Variants in CDK5RAP2 observed in about 807,000 individuals in gnomAD.
CDK5RAP2 encodes the protein CDK5 regulatory subunit-associated protein 2.
CDK5RAP2 carries 147 observed loss-of-function variants against 232.9 expected under a neutral mutation model. The ratio of observed to expected loss-of-function variants is 0.63; its 90% CI spans 0.55 to 0.72. The LOEUF is 0.72. CDK5RAP2 is among the 30% of genes least tolerant of loss of function. The pLI, the probability that CDK5RAP2 is intolerant of heterozygous loss-of-function variation, is 0.00. For missense variants in CDK5RAP2, 2,195 were observed against 2,231.5 expected, an observed-to-expected ratio of 0.98 and a Z score of 0.33; for synonymous variants, 833 against 833.7, an observed-to-expected ratio of 1.00 and a Z score of 0.01.
intron 3 of CDK5RAP2, among the ~76,000 whole-genome samples, chr9:120,567,886 A>C (rs960149790): frequency 4.6e-5 from 7 of 152,216 alleles, no homozygotes; most frequent in Admixed American, 3.3e-4. Flanking sequence ...AAGATTCCTA[A>C]CCTGCAAAAT....
At chr9:120,477,238 A>C in intron 15 of CDK5RAP2, 112 bp downstream of exon 15, 1 of 851,944 alleles carries the variant, frequency 1.2e-6, no homozygotes, top group Non-Finnish European at 2.0e-6. Flanking sequence ...GCAAACTGGC[A>C]GGGCTTTGCT....
chr9:120,482,443 G>A (rs2038372928), intron 14 of CDK5RAP2, among the ~76,000 whole-genome samples: 1 of 152,156 alleles, frequency 6.6e-6, no homozygotes, highest in Non-Finnish European at 1.5e-5. Context: ...CAGTGGAACT[G>A]GGAAATCCCT....
chr9:120,408,402 G>A lies in CDK5RAP2; in HGVS notation c.4671C>T (p.Leu1557=), dbSNP rs2033623063. 2 of 1,614,144 alleles carry A rather than the reference G, an allele frequency of 1.2e-6. No homozygotes were observed. The highest frequency in any genetic ancestry group is 1.7e-6 in the Non-Finnish European group (2 of 1,180,030). The change falls in exon 31 of 38, where the codon CTC becomes CTT. Residue 1557 remains leucine (L), a synonymous_variant. Coordinates refer to ENST00000349780, the MANE Select transcript of CDK5RAP2 (RefSeq NM_018249.6). ...TCTCATACGCCTTCAGCTCCACTCGGAGAGACTGCAATAGCTTGTCATTCT... is the reference window on the plus strand; with the variant it reads ...TCTCATACGCCTTCAGCTCCACTCGAAGAGACTGCAATAGCTTGTCATTCT... ...LSQNDKLLQS[L]RVELKAYEKL...
chr9:120,418,094 TA>T (rs757972854), intron 27 of CDK5RAP2, among the ~76,000 whole-genome samples: 9 of 152,086 alleles, frequency 5.9e-5, no homozygotes, highest in Non-Finnish European at 1.3e-4. Context: ...TACCGAATCA[TA>T]AATATGACAA....
chr9:120,554,306 ACT>A (rs1487328932), intron 3 of CDK5RAP2, among the ~76,000 whole-genome samples: 2 of 152,148 alleles, frequency 1.3e-5, no homozygotes, highest in African/African-American at 4.8e-5. Flanking sequence ...TTTTTTTGAG[ACT>A]CTGAATTGTG....
intron 23 of CDK5RAP2, 84 bp from the exon 24 acceptor site, chr9:120,440,056 AGACCACTGCAGT>A: frequency 8.5e-7 from 1 of 1,178,740 alleles, no homozygotes; most frequent in Non-Finnish European, 1.2e-6. Flanking sequence ...AGCCAAGCCA[AGACCACTGCAGT>A]GACCTAACAA....
rs2033827405 is a variant in CDK5RAP2, at chr9:120,411,260, AT to A, written c.4414+97del. ...TGTAAAGCCATCACAGAGCCACAGGATTCATACTTAGGTTGGTCAGACTCCA... is the reference window on the plus strand; with the variant it reads ...TGTAAAGCCATCACAGAGCCACAGGATCATACTTAGGTTGGTCAGACTCCA... On this transcript the variant is annotated intron_variant, in intron 29 of 37. Transcript: ENST00000349780. 5.0e-6 allele frequency: 4 copies of A among 793,060 alleles called. No homozygotes were observed. In the East Asian group the frequency reaches 9.7e-5, roughly 19 times the overall value. 49.1% of individuals were successfully genotyped at this position (793,060 alleles called of 1,614,324 possible). A position where few individuals can be genotyped will look rare whatever the true frequency, so the allele number is the denominator to read the frequency against.
At chr9:120,406,770 G>T in intron 32 of CDK5RAP2, 1 of 572,014 alleles carries the variant, frequency 1.7e-6, no homozygotes, top group Non-Finnish European at 3.1e-6. Context: ...CACTGAGGGT[G>T]TCTGGAAGTC....
At chr9:120,484,671 C>A (rs1018381584) in intron 14 of CDK5RAP2, among the ~76,000 whole-genome samples, 1 of 151,970 alleles carries the variant, frequency 6.6e-6, no homozygotes, top group Admixed American at 6.6e-5. Flanking sequence ...TTGCAGTGTG[C>A]CAAGGTCATG....
At chr9:120,558,371 C>CA (rs60669308) in intron 3 of CDK5RAP2, among the ~76,000 whole-genome samples, 2,158 of 40,026 alleles carry the variant, frequency 0.054, 674 homozygotes, top group East Asian at 0.26. Flanking sequence ...GACTCCGTCT[C>CA]AAAAAAAAAA....
intron 2 of CDK5RAP2, among the ~76,000 whole-genome samples, chr9:120,570,508 A>G (rs1480980783): frequency 6.6e-6 from 1 of 152,200 alleles, no homozygotes; most frequent in Non-Finnish European, 1.5e-5. Context: ...CTGAGCCCAG[A>G]GTCTGGCATG....
intron 12 of CDK5RAP2, among the ~76,000 whole-genome samples, chr9:120,511,700 C>T (rs903288147): frequency 3.3e-5 from 5 of 151,682 alleles, no homozygotes; most frequent in African/African-American, 1.2e-4. Context: ...ATTGTAAGTC[C>T]CCCTCTTTAG....
At chr9:120,496,280 G>A (rs1172929099) in intron 12 of CDK5RAP2, among the ~76,000 whole-genome samples, 24 of 119,198 alleles carry the variant, frequency 2.0e-4, no homozygotes, top group African/African-American at 7.3e-4. Context: ...GCCCCTACTG[G>A]GAAGTGAGGA....
At chr9:120,534,209 C>T (rs2041286887) in intron 7 of CDK5RAP2, among the ~76,000 whole-genome samples, 1 of 152,158 alleles carries the variant, frequency 6.6e-6, no homozygotes, top group Admixed American at 6.5e-5. Flanking sequence ...ACCTCTTCCC[C>T]ACTCCTTTCC....
intron 20 of CDK5RAP2, among the ~76,000 whole-genome samples, chr9:120,454,186 C>T (rs1336095995): frequency 1.3e-5 from 2 of 152,170 alleles, no homozygotes; most frequent in African/African-American, 2.4e-5. Flanking sequence ...TAGAAACAAA[C>T]GGGATTATAA....
At chr9:120,553,377 C>T (rs1223371034) in intron 3 of CDK5RAP2, among the ~76,000 whole-genome samples, 1 of 152,182 alleles carries the variant, frequency 6.6e-6, no homozygotes, top group East Asian at 1.9e-4. Flanking sequence ...TCCTAGTATG[C>T]TTCTATCACC....
chr9:120,396,661 T>C (rs2032493713), intron 35 of CDK5RAP2, among the ~76,000 whole-genome samples: 1 of 152,126 alleles, frequency 6.6e-6, no homozygotes, highest in Non-Finnish European at 1.5e-5. Context: ...CACACTCATT[T>C]CCTCCCTCTA....
At chr9:120,481,936 A>T (rs1588450354) in intron 14 of CDK5RAP2, among the ~76,000 whole-genome samples, 1 of 152,230 alleles carries the variant, frequency 6.6e-6, no homozygotes, top group Non-Finnish European at 1.5e-5. Context: ...TGAGGCAAAC[A>T]CTTGATATAT....
rs768799215 is a variant in CDK5RAP2 at position 120,415,178 on chromosome 9, T to C, written c.4178-19A>G. The C allele has an allele frequency of 6.2e-7, 1 of 1,613,602 alleles. No homozygotes were observed. Among genetic ancestry groups the C allele is most frequent in the Admixed American group, 1.7e-5 (1 of 60,016 alleles). Reference sequence around the variant, plus strand: ...AGTAAGTCTACAGGAAGGAAGCCATTTTTAATTTAAAGTCTGAACCCCCAA... The same window carrying C: ...AGTAAGTCTACAGGAAGGAAGCCATCTTTAATTTAAAGTCTGAACCCCCAA... On this transcript the variant is annotated intron_variant, in intron 27 of 37. Coordinates refer to ENST00000349780, the MANE Select transcript of CDK5RAP2 (RefSeq NM_018249.6).
Sources: gnomAD v4.1 joint callset for allele counts (sites outside exome capture counted in the v4.1 genomes callset) on GRCh38, gnomAD v4.1.1 for gene constraint, MANE v1.5 for transcripts, NCBI Gene and HGNC (gene_info 2026-07-23, HGNC 2026-07-21) for gene names.